Variants in PEX5L observed in about 807,000 individuals in gnomAD.
PEX5L encodes PEX5-related protein.
In PEX5L, 30 loss-of-function variants were observed where a neutral mutation model predicts 84.0. That is an observed-to-expected ratio of 0.36 (90% CI 0.27 to 0.48). The LOEUF (loss-of-function observed/expected upper bound fraction) is 0.48. Among genes scored for constraint, PEX5L ranks in the 20% least tolerant of loss-of-function variants. The pLI is 0.99. For synonymous variants in PEX5L, 270 were observed against 283.1 expected (o/e 0.95, Z 0.46); for missense variants, 533 against 754.6 (o/e 0.71, Z 3.44).
chr3:179,944,466 C>G lies in PEX5L; in HGVS notation c.93+27128G>C, dbSNP rs150599559. On this transcript the variant is annotated intron_variant, in intron 2 of 14. Transcript: ENST00000467460. ...TGATAATGGGGATAAAAATGGCTATCTCACAAGACTGTTACGAGGAATAAA... is the reference window on the plus strand; with the variant it reads ...TGATAATGGGGATAAAAATGGCTATGTCACAAGACTGTTACGAGGAATAAA... Among the ~76,000 whole-genome samples, 120 of 152,318 alleles carry G rather than the reference C, an allele frequency of 7.9e-4. 1 individual carries two copies. The Middle Eastern group carries it at 0.041, about 52-fold the overall frequency.
chr3:179,913,048 G>T (rs1028428378), intron 2 of PEX5L, among the ~76,000 whole-genome samples: 2 of 152,106 alleles, frequency 1.3e-5, no homozygotes, highest in Non-Finnish European at 2.9e-5. Flanking sequence ...AGAAAGACTT[G>T]CTAGTAAGAA....
chr3:179,981,973 A>G (rs189546501), intron 1 of PEX5L, among the ~76,000 whole-genome samples: 2 of 152,344 alleles, frequency 1.3e-5, no homozygotes, highest in African/African-American at 2.4e-5. Flanking sequence ...GAAAAGAAAT[A>G]TATTTACTTA....
intron 2 of PEX5L, among the ~76,000 whole-genome samples, chr3:179,945,109 A>C (rs1040315985): frequency 1.3e-5 from 2 of 152,228 alleles, no homozygotes; most frequent in African/African-American, 4.8e-5. Context: ...GCCAATTTGC[A>C]ATTGGTTCCC....
chr3:179,921,703 G>A (rs989072463), intron 2 of PEX5L: 49 of 152,186 alleles, frequency 3.2e-4, no homozygotes, highest in Non-Finnish European at 7.3e-5. Context: ...GCATGACAAT[G>A]AGAACACAGA....
chr3:180,028,224 T>G (rs1267433033), intron 1 of PEX5L, among the ~76,000 whole-genome samples: 1 of 152,222 alleles, frequency 6.6e-6, no homozygotes, highest in Non-Finnish European at 1.5e-5. Flanking sequence ...TGGTAATTTT[T>G]AAATCTTCAT....
chr3:179,942,801 G>A (rs1018462547), intron 2 of PEX5L, among the ~76,000 whole-genome samples: 3 of 152,220 alleles, frequency 2.0e-5, no homozygotes, highest in African/African-American at 7.2e-5. Flanking sequence ...AACAACCAAA[G>A]GACGCAGCTT....
At chr3:180,033,439 C>CA (rs1334488320) in intron 1 of PEX5L, among the ~76,000 whole-genome samples, 2 of 152,012 alleles carry the variant, frequency 1.3e-5, no homozygotes, top group African/African-American at 4.8e-5. Flanking sequence ...AATAACAATT[C>CA]AAAAAATCTT....
chr3:179,896,104 G>C (rs2108957033), intron 3 of PEX5L: 1 of 152,266 alleles, frequency 6.6e-6, no homozygotes, highest in East Asian at 1.9e-4. Flanking sequence ...CACTTTTTCA[G>C]ATCATTCTGC....
At chr3:179,933,914 A>G (rs1411870991) in intron 2 of PEX5L, among the ~76,000 whole-genome samples, 1 of 152,122 alleles carries the variant, frequency 6.6e-6, no homozygotes, top group Non-Finnish European at 1.5e-5. Flanking sequence ...TCTGTTCCCT[A>G]TGTTTGAATT....
chr3:179,857,817 C>A (rs1744568918), intron 8 of PEX5L, among the ~76,000 whole-genome samples: 1 of 152,176 alleles, frequency 6.6e-6, no homozygotes, highest in Non-Finnish European at 1.5e-5. Flanking sequence ...GTAAATTGAG[C>A]TACAGGCTCC....
intron 2 of PEX5L, chr3:179,900,635 T>C (rs1425575596): frequency 1.1e-5 from 16 of 1,393,692 alleles, no homozygotes; most frequent in Non-Finnish European, 3.0e-6. Flanking sequence ...AATAAATACA[T>C]GCGGTGCTTT....
intron 1 of PEX5L, among the ~76,000 whole-genome samples, chr3:179,974,661 G>A (rs1043567881): frequency 7.9e-5 from 12 of 152,298 alleles, no homozygotes; most frequent in Non-Finnish European, 1.6e-4. Flanking sequence ...TGACCTGCAA[G>A]AGACGTATCT....
chr3:179,818,829 C>A (rs986442004), intron 9 of PEX5L, among the ~76,000 whole-genome samples: 42 of 149,922 alleles, frequency 2.8e-4, no homozygotes, highest in Non-Finnish European at 5.5e-4. Context: ...TATATATGTA[C>A]CACATTTTCT....
intron 2 of PEX5L, among the ~76,000 whole-genome samples, chr3:179,970,536 G>C (rs1784458255): frequency 6.6e-6 from 1 of 152,072 alleles, no homozygotes; most frequent in Non-Finnish European, 1.5e-5. Context: ...AATATATTCT[G>C]CACCTCGGTA....
chr3:179,923,486 T>A (rs1770472037), intron 2 of PEX5L, among the ~76,000 whole-genome samples: 1 of 152,158 alleles, frequency 6.6e-6, no homozygotes, highest in Non-Finnish European at 1.5e-5. Flanking sequence ...ATAGGGGAAC[T>A]TGTTAGAAAT....
At chr3:179,866,227 G>A (rs542544607) in intron 7 of PEX5L, among the ~76,000 whole-genome samples, 27 of 152,242 alleles carry the variant, frequency 1.8e-4, no homozygotes, top group African/African-American at 6.3e-4. Flanking sequence ...CACAATGACC[G>A]TTGTTAATAG....
At chr3:179,936,096 A>G (rs893250035) in intron 2 of PEX5L, among the ~76,000 whole-genome samples, 1 of 152,198 alleles carries the variant, frequency 6.6e-6, no homozygotes, top group African/African-American at 2.4e-5. Context: ...AAACGAATCA[A>G]GACAGTAGCT....
At chr3:180,012,706 G>T (rs1303038477) in intron 1 of PEX5L, among the ~76,000 whole-genome samples, 1 of 151,922 alleles carries the variant, frequency 6.6e-6, no homozygotes, top group African/African-American at 2.4e-5. Flanking sequence ...AAATATACAA[G>T]AGAATAATAA....
intron 8 of PEX5L, among the ~76,000 whole-genome samples, chr3:179,836,452 G>T (rs1734950483): frequency 6.6e-6 from 1 of 152,062 alleles, no homozygotes; most frequent in Non-Finnish European, 1.5e-5. Context: ...AAATCAAAAT[G>T]GAGTCACTCA....
Sources: allele counts gnomAD v4.1 joint callset (sites outside exome capture counted in the v4.1 genomes callset), GRCh38; gene constraint gnomAD v4.1.1; transcripts MANE v1.5; gene names NCBI Gene and HGNC (gene_info 2026-07-23, HGNC 2026-07-21).